The following ATP8B1 variants were observed in gnomAD, a reference collection of about 807,000 sequenced individuals.
ATP8B1 encodes ATPase phospholipid transporting 8B1.
A neutral mutation model predicts 149.9 loss-of-function variants in ATP8B1; 80 were observed. The observed-to-expected ratio is 0.53, with a 90% CI of 0.45 to 0.64. The LOEUF is 0.64. ATP8B1 is among the 30% of genes least tolerant of loss of function. The pLI, the probability that ATP8B1 is intolerant of heterozygous loss-of-function variation, is 0.00. For missense variants in ATP8B1, 1,247 were observed against 1,552.6 expected, an observed-to-expected ratio of 0.80 and a Z score of 3.31; for synonymous variants, 536 against 562.8, an observed-to-expected ratio of 0.95 and a Z score of 0.67.
At chr18:57,654,372 A>G (rs1006449918) in intron 23 of ATP8B1, among the ~76,000 whole-genome samples, 2 of 151,596 alleles carry the variant, frequency 1.3e-5, no homozygotes, top group Non-Finnish European at 2.9e-5. Flanking sequence ...AGGCTGGAGT[A>G]CAGTGGCGTG....
At chr18:57,762,747 A>G (rs1331349285) in intron 1 of ATP8B1, among the ~76,000 whole-genome samples, 1 of 152,070 alleles carries the variant, frequency 6.6e-6, no homozygotes, top group Non-Finnish European at 1.5e-5. Flanking sequence ...TTGCTTTTTC[A>G]TTGTTCCTTT....
Position 57,649,594 on chromosome 18 carries a change from G to T in ATP8B1, c.3531+773C>A, listed in dbSNP as rs531020484. On this transcript the variant is annotated intron_variant, in intron 27 of 27. Transcript: ENST00000648908. ...AATGGAAATTGATTGTATTCAGATT[G>T]CCCCCCCCAACCCCTCACAGCCACA... Among the ~76,000 whole-genome samples, 160 of 151,450 alleles carry T rather than the reference G, an allele frequency of 1.1e-3. 1 individual carries two copies. The highest frequency in any genetic ancestry group is 2.4e-3 in the Admixed American group (37 of 15,174).
intron 8 of ATP8B1, among the ~76,000 whole-genome samples, chr18:57,696,155 G>T (rs1200991280): frequency 6.6e-6 from 1 of 152,176 alleles, no homozygotes; most frequent in East Asian, 1.9e-4. Context: ...TTTCCCTAGG[G>T]AAGTTCATTC....
Position 57,665,630 on chromosome 18 carries a change from G to A in ATP8B1, c.2285+1462C>T, listed in dbSNP as rs976791521. Among the ~76,000 whole-genome samples, 6 of 151,918 alleles carry A rather than the reference G, an allele frequency of 3.9e-5. No individual in the cohort carries two copies. The East Asian group carries it at 9.7e-4, about 24-fold the overall frequency. On this transcript the variant is annotated intron_variant, in intron 20 of 27. Coordinates refer to ENST00000648908, the MANE Select transcript of ATP8B1 (RefSeq NM_001374385.1). The stretch of plus-strand genomic sequence containing the variant: ...TGTAGTGGCACTATCTTGGCTCACT[G>A]CAACCTCTGCCTCCCAGGTTCAAGC...
At chr18:57,761,097 AAAAAT>A in intron 1 of ATP8B1, among the ~76,000 whole-genome samples, 1 of 96,794 alleles carries the variant, frequency 1.0e-5, no homozygotes, top group East Asian at 2.4e-4. Flanking sequence ...AAATAAAATA[AAAAAT>A]AAAATAAAAT....
At chr18:57,680,083 C>T (rs747803852) in intron 15 of ATP8B1, among the ~76,000 whole-genome samples, 1 of 151,092 alleles carries the variant, frequency 6.6e-6, no homozygotes, top group Non-Finnish European at 1.5e-5. Context: ...CAAGACAAGC[C>T]TGGCCAACAT....
intron 15 of ATP8B1, among the ~76,000 whole-genome samples, chr18:57,676,391 T>C (rs1489096172): frequency 1.3e-5 from 2 of 150,372 alleles, no homozygotes; most frequent in Non-Finnish European, 3.0e-5. Flanking sequence ...TTCTTTACCA[T>C]AGCTATATTC....
chr18:57,673,895 T>G lies in ATP8B1; in HGVS notation c.1819+939A>C, dbSNP rs575656894. Reference sequence around the variant, plus strand: ...GCCTGCATTGCAGATATGATTTTGATTCATAAGCATAGCTTTGCTTTTCTC... The same window carrying G: ...GCCTGCATTGCAGATATGATTTTGAGTCATAAGCATAGCTTTGCTTTTCTC... On this transcript the variant is annotated intron_variant, in intron 16 of 27. Transcript: ENST00000648908. Among the ~76,000 whole-genome samples the G allele has an allele frequency of 5.1e-4, 78 of 152,280 alleles. 3 individuals are homozygous for G. The South Asian group carries it at 0.015, about 30-fold the overall frequency.
intron 2 of ATP8B1, among the ~76,000 whole-genome samples, chr18:57,726,548 G>A (rs2123105391): frequency 6.6e-6 from 1 of 152,294 alleles, no homozygotes; most frequent in East Asian, 1.9e-4. Flanking sequence ...TTCCACAAGA[G>A]GTTCTGATGT....
At chr18:57,768,681 C>T (rs1256401999) in intron 1 of ATP8B1, among the ~76,000 whole-genome samples, 2 of 150,616 alleles carry the variant, frequency 1.3e-5, no homozygotes, top group African/African-American at 2.4e-5. Context: ...CATAGCTAAT[C>T]CTTACTCCAA....
rs1264289131 is a variant in ATP8B1, at chr18:57,694,606, G to A, written c.1005C>T (p.Tyr335=). The A allele has an allele frequency of 4.4e-6, 7 of 1,584,830 alleles. 1 individual carries two copies. The highest frequency in any genetic ancestry group is 6.1e-6 in the Non-Finnish European group (7 of 1,153,828). Residue 335 remains tyrosine, a synonymous_variant, in exon 11 of 28, where the codon TAC becomes TAT. Transcript: ENST00000648908. The part of the protein sequence containing the change: ...KTRFKRTKID[Y]LMNYMVYTIF... ...CCGTGTAAACCATGTAGTTCATCAA[G>A]TAATCAATTTTAGTTCTTTTAAATC...
chr18:57,686,764 G>A (rs1031133992), intron 13 of ATP8B1, among the ~76,000 whole-genome samples: 14 of 152,106 alleles, frequency 9.2e-5, no homozygotes, highest in African/African-American at 2.9e-4. Flanking sequence ...TCAAAGTCCT[G>A]GGCTCAAGGG....
chr18:57,715,479 C>A (rs1178858427), intron 2 of ATP8B1, among the ~76,000 whole-genome samples: 1 of 151,864 alleles, frequency 6.6e-6, no homozygotes, highest in Non-Finnish European at 1.5e-5. Context: ...AGAGAACTTC[C>A]CAAACCTAGA....
At chr18:57,755,537 C>T (rs2080068689) in intron 1 of ATP8B1, 1 of 152,056 alleles carries the variant, frequency 6.6e-6, no homozygotes, top group Non-Finnish European at 1.5e-5. Flanking sequence ...GATAAAATGT[C>T]CTGCGGATTT....
chr18:57,686,877 T>C (rs1384660923), intron 13 of ATP8B1, among the ~76,000 whole-genome samples: 1 of 152,130 alleles, frequency 6.6e-6, no homozygotes, highest in African/African-American at 2.4e-5. Context: ...AGGGTCTTGC[T>C]CTGTTAGCCA....
intron 2 of ATP8B1, among the ~76,000 whole-genome samples, chr18:57,726,258 C>T (rs2079707164): frequency 6.6e-6 from 1 of 151,194 alleles, no homozygotes; most frequent in Admixed American, 6.6e-5. Context: ...ACAAAAAAAC[C>T]ACTTGGGAAA....
At chr18:57,756,011 A>G (rs9944837) in intron 1 of ATP8B1, among the ~76,000 whole-genome samples, 10,937 of 151,610 alleles carry the variant, frequency 0.072, 667 homozygotes, top group East Asian at 0.24. Flanking sequence ...TTACATAACC[A>G]TAGTAGAATT....
chr18:57,710,728 G>A (rs1913647669), intron 2 of ATP8B1, among the ~76,000 whole-genome samples: 1 of 152,162 alleles, frequency 6.6e-6, no homozygotes, highest in African/African-American at 2.4e-5. Flanking sequence ...TCCGTCTCCT[G>A]GGTTCAAGAG....
chr18:57,781,862 G>A (rs2080360351), intron 1 of ATP8B1, among the ~76,000 whole-genome samples: 1 of 152,210 alleles, frequency 6.6e-6, no homozygotes, highest in African/African-American at 2.4e-5. Flanking sequence ...GCACACACCT[G>A]TAGTCCTAGC....
Sources: gnomAD v4.1 joint callset for allele counts (sites outside exome capture counted in the v4.1 genomes callset) on GRCh38, gnomAD v4.1.1 for gene constraint, MANE v1.5 for transcripts, NCBI Gene and HGNC (gene_info 2026-07-23, HGNC 2026-07-21) for gene names.